The following MRTO4 variants were observed in gnomAD, a reference collection of about 807,000 sequenced individuals.
The protein encoded by MRTO4 is MRT4 homolog, ribosome maturation factor.
Under a neutral mutation model 28.6 loss-of-function variants are expected in MRTO4, and 7 were observed. That is an observed-to-expected ratio of 0.24 (90% CI 0.14 to 0.46). MRTO4 has a LOEUF of 0.46. Among genes scored for constraint, MRTO4 ranks in the 20% least tolerant of loss-of-function variants. The pLI, the probability that MRTO4 is intolerant of heterozygous loss-of-function variation, is 0.99. For synonymous variants in MRTO4, 113 were observed against 108.2 expected (o/e 1.04, Z -0.27); for missense variants, 302 against 298.3 (o/e 1.01, Z -0.09).
rs369118509 is a variant in MRTO4, at chr1:19,258,868, G to A, written c.*38G>A. 12 of 1,602,650 alleles carry A rather than the reference G, an allele frequency of 7.5e-6. No individual in the cohort carries two copies. The African/African-American group carries it at 9.4e-5, about 13-fold the overall frequency. On this transcript the variant is annotated 3_prime_UTR_variant, in exon 8 of 8. Coordinates refer to ENST00000330263, the MANE Select transcript of MRTO4 (RefSeq NM_016183.4). Reference sequence around the variant, plus strand: ...ACTGAAGGTCTCCTGGAAGCTTCTGGGTCTCACTGGACCATCAGGACTGCT... The same window carrying A: ...ACTGAAGGTCTCCTGGAAGCTTCTGAGTCTCACTGGACCATCAGGACTGCT...
At position 19,257,489 on chromosome 1, in the gene MRTO4, G is replaced by A; in HGVS notation, c.309G>A (p.Leu103=). ...GGTTGAGGGGTGAGGTGGGTCTCCT[G>A]TTCACCAACCGCACAAAGGAGGAGG... ...SKRLRGEVGL[L]FTNRTKEEVN... The change falls in exon 5 of 8, where the codon CTG becomes CTA. Residue 103 remains leucine (L), a synonymous_variant. Coordinates refer to ENST00000330263, the MANE Select transcript of MRTO4 (RefSeq NM_016183.4). The A allele has an allele frequency of 3.7e-6, 6 of 1,614,244 alleles. No individual in the cohort carries two copies. The highest frequency in any genetic ancestry group is 5.1e-6 in the Non-Finnish European group (6 of 1,180,040).
rs529909874 is a variant in MRTO4, at chr1:19,257,686, G to A, written c.342-147G>A. The A allele has an allele frequency of 2.3e-5, 31 of 1,363,484 alleles. No homozygotes were observed. In the African/African-American group the frequency reaches 3.7e-4, roughly 16 times the overall value. 84.5% of individuals were successfully genotyped at this position (1,363,484 alleles called of 1,614,324 possible). A position where few individuals can be genotyped will look rare whatever the true frequency, so the allele number is the denominator to read the frequency against. On this transcript the variant is annotated intron_variant, in intron 5 of 7. Transcript: ENST00000330263. ...ACCACAGCCCTCTCTGTCCTCTCCA[G>A]CATGGTGCTCTGGGCTGGCTGCTGG...
chr1:19,257,384 G>A, intron 4 of MRTO4, 70 bp from the exon 5 acceptor site: 1 of 1,563,888 alleles, frequency 6.4e-7, no homozygotes, highest in Non-Finnish European at 8.8e-7. Flanking sequence ...TGTACCCGGT[G>A]AGCAAAAACG....
chr1:19,256,159 G>T (rs1328926813), intron 3 of MRTO4, 108 bp downstream of exon 3: 2 of 863,034 alleles, frequency 2.3e-6, no homozygotes, highest in Non-Finnish European at 3.7e-6. Context: ...GGGTCATGCC[G>T]CTGACACCTT....
chr1:19,252,191 C>A, intron 1 of MRTO4: 1 of 402,094 alleles, frequency 2.5e-6, no homozygotes, highest in East Asian at 4.5e-5. Context: ...AACTTCGGCC[C>A]TTTCTCATCT....
Position 19,258,812 on chromosome 1 carries a change from C to T in MRTO4, c.702C>T (p.Asp234=), listed in dbSNP as rs748279120. ...CATCTGAGTCCACAGAAGAGTCAGACTCAGAAGATGATGACTGAAAGGGAC... is the reference window on the plus strand; with the variant it reads ...CATCTGAGTCCACAGAAGAGTCAGATTCAGAAGATGATGACTGAAAGGGAC... The part of the protein sequence containing the change: ...ESASESTEES[D]SEDDD Residue 234 remains aspartate (D), a synonymous_variant, in exon 8 of 8, where the codon GAC becomes GAT. Transcript: ENST00000330263. 7 of 1,614,012 alleles carry T rather than the reference C, an allele frequency of 4.3e-6. No homozygotes were observed. Among genetic ancestry groups the T allele is most frequent in the Non-Finnish European group, 5.9e-6 (7 of 1,180,018 alleles).
At chr1:19,258,588 G>C in intron 7 of MRTO4, 35 bp downstream of exon 7, 1 of 1,613,944 alleles carries the variant, frequency 6.2e-7, no homozygotes, top group Non-Finnish European at 8.5e-7. Context: ...TTGCGGGCGG[G>C]GTTGCTGGCT....
At chr1:19,252,598 C>A (rs936056079) in intron 1 of MRTO4, among the ~76,000 whole-genome samples, 2 of 152,094 alleles carry the variant, frequency 1.3e-5, no homozygotes, top group African/African-American at 4.8e-5. Flanking sequence ...ACTTGGGAGA[C>A]TGAGGCGGGA....
intron 4 of MRTO4, 55 bp downstream of exon 4, chr1:19,257,200 C>G: frequency 6.4e-7 from 1 of 1,557,902 alleles, no homozygotes; most frequent in Non-Finnish European, 8.8e-7. Context: ...CTCTCTCCCA[C>G]TACTCCCATG....
At chr1:19,258,249 G>T (rs2093674592) in intron 6 of MRTO4, among the ~76,000 whole-genome samples, 1 of 152,120 alleles carries the variant, frequency 6.6e-6, no homozygotes, top group Admixed American at 6.5e-5. Flanking sequence ...GGTGGTGTGT[G>T]CCTGTGGTCC....
intron 1 of MRTO4, 116 bp downstream of exon 1, chr1:19,251,979 G>T (rs891044271): frequency 2.6e-5 from 37 of 1,396,690 alleles, no homozygotes; most frequent in Non-Finnish European, 3.3e-5. Flanking sequence ...CATCCTCGAG[G>T]TGTTCCGCTG....
At position 19,251,806 on chromosome 1, in the gene MRTO4, C is replaced by A. The variant is rs1345645513; in HGVS notation, c.-30C>A. The A allele has an allele frequency of 6.4e-7, 1 of 1,562,154 alleles. No individual in the cohort carries two copies. The highest frequency in any genetic ancestry group is 1.4e-5 in the African/African-American group (1 of 73,470). On this transcript the variant is annotated 5_prime_UTR_variant, in exon 1 of 8. Transcript: ENST00000330263. ...GCCGCCGGGGTCCTAACGGGGTGCACCGTCTTCCGCCGCACGTGGATTCAG... is the reference window on the plus strand; with the variant it reads ...GCCGCCGGGGTCCTAACGGGGTGCAACGTCTTCCGCCGCACGTGGATTCAG...
chr1:19,253,839 G>A lies in MRTO4; in HGVS notation c.29-943G>A, dbSNP rs772973740. The stretch of plus-strand genomic sequence containing the variant: ...GAGTTCTGTTAAGTGTTTCTGGAAC[G>A]ATTTGATTCTGTGGAGGGGCCTGGG... On this transcript the variant is annotated intron_variant, in intron 1 of 7. Coordinates refer to ENST00000330263, the MANE Select transcript of MRTO4 (RefSeq NM_016183.4). Among the ~76,000 whole-genome samples the A allele has an allele frequency of 5.9e-5, 9 of 152,180 alleles. 1 individual carries two copies. The South Asian group carries it at 1.2e-3, about 21-fold the overall frequency.
chr1:19,258,854 C>G lies in MRTO4; in HGVS notation c.*24C>G, dbSNP rs1297740752. Reference sequence around the variant, plus strand: ...GAAAGGGACTCGGGACTGAAGGTCTCCTGGAAGCTTCTGGGTCTCACTGGA... The same window carrying G: ...GAAAGGGACTCGGGACTGAAGGTCTGCTGGAAGCTTCTGGGTCTCACTGGA... On this transcript the variant is annotated 3_prime_UTR_variant, in exon 8 of 8. Transcript: ENST00000330263. 51 of 1,609,506 alleles carry G rather than the reference C, an allele frequency of 3.2e-5. No individual in the cohort carries two copies. The highest frequency in any genetic ancestry group is 4.2e-5 in the Non-Finnish European group (49 of 1,177,954).
chr1:19,255,700 C>G (rs965331931), intron 2 of MRTO4, among the ~76,000 whole-genome samples: 1 of 152,174 alleles, frequency 6.6e-6, no homozygotes, highest in African/African-American at 2.4e-5. Flanking sequence ...ATCAGTTCCA[C>G]TGTTGGTCAT....
chr1:19,258,594 T>G, intron 7 of MRTO4, 41 bp downstream of exon 7: 1 of 1,613,980 alleles, frequency 6.2e-7, no homozygotes, highest in Non-Finnish European at 8.5e-7. Context: ...GCGGGGTTGC[T>G]GGCTTTCCTC....
rs1186529620 is a variant in MRTO4 at position 19,259,304 on chromosome 1, C to T, written c.*474C>T. The T allele has an allele frequency of 6.5e-6, 1 of 153,202 alleles. No homozygotes were observed. Among genetic ancestry groups the T allele is most frequent in the Admixed American group, 6.5e-5 (1 of 15,426 alleles). 9.5% of individuals were successfully genotyped at this position (153,202 alleles called of 1,614,324 possible). A position where few individuals can be genotyped will look rare whatever the true frequency, so the allele number is the denominator to read the frequency against. On this transcript the variant is annotated 3_prime_UTR_variant, in exon 8 of 8. Transcript: ENST00000330263. The stretch of plus-strand genomic sequence containing the variant: ...AATACAACCTTGCAGGATGTCTCTC[C>T]TGGAGACAGCAAGAGGGAGAGGAGG...
chr1:19,258,775 T>G lies in MRTO4; in HGVS notation c.665T>G (p.Leu222Trp). The change falls in exon 8 of 8, where the codon TTG becomes TGG. Residue 222 changes from leucine to tryptophan, a missense_variant. Leu to Trp is a moderately conservative substitution (Grantham distance 61, BLOSUM62 -2). Transcript: ENST00000330263. ...SGRFQQMGDD[L>W]PESASESTEE... ...AGGTTCCAGCAGATGGGAGACGACT[T>G]GCCAGAGAGCGCATCTGAGTCCACA... 6.2e-7 allele frequency: 1 copy of G among 1,614,188 alleles called. No homozygotes were observed. Among genetic ancestry groups the G allele is most frequent in the African/African-American group, 1.3e-5 (1 of 75,040 alleles).
In MRTO4 at chr1:19,257,989, G is replaced by T; in HGVS notation, c.493+5G>T. 1 of 1,613,424 alleles carries T rather than the reference G, an allele frequency of 6.2e-7. No individual in the cohort carries two copies. Among genetic ancestry groups the T allele is most frequent in the Non-Finnish European group, 8.5e-7 (1 of 1,179,848 alleles). On this transcript the variant is annotated splice_donor_5th_base_variant and intron_variant, in intron 6 of 7. Coordinates refer to ENST00000330263, the MANE Select transcript of MRTO4 (RefSeq NM_016183.4). ...TGCCCACCGCCCTCAAGAGAGGTAT[G>T]GGCAGCCCTGGAGCCAAAAGGTCAC... is the stretch of plus-strand genomic sequence containing the variant.
Sources: gnomAD v4.1 joint callset for allele counts (sites outside exome capture counted in the v4.1 genomes callset) on GRCh38, gnomAD v4.1.1 for gene constraint, MANE v1.5 for transcripts, NCBI Gene and HGNC (gene_info 2026-07-23, HGNC 2026-07-21) for gene names.